The following NLGN4X variants were observed in gnomAD, a reference collection of about 807,000 sequenced individuals.
NLGN4X encodes neuroligin 4 X-linked, also known as neuroligin-4, X-linked.
Under a neutral mutation model 40.3 loss-of-function variants are expected in NLGN4X, and 3 were observed. The observed-to-expected ratio is 0.07, with a 90% CI of 0.03 to 0.19. NLGN4X has a LOEUF of 0.19. Among genes scored for constraint, NLGN4X ranks in the 10% least tolerant of loss-of-function variants. NLGN4X has a pLI of 1.00. For synonymous variants in NLGN4X, 270 were observed against 306.8 expected, an observed-to-expected ratio of 0.88 and a Z score of 1.25; for missense variants, 382 against 708.3, an observed-to-expected ratio of 0.54 and a Z score of 5.23.
At chrX:6,180,595 A>G (rs1009827949) in intron 1 of NLGN4X, among the ~76,000 whole-genome samples, 1 of 111,787 alleles carries the variant, frequency 8.9e-6, no homozygotes, top group Admixed American at 9.6e-5. Flanking sequence ...TCTTAAAGCA[A>G]TGCAAGAACG....
At chrX:6,202,724 G>A (rs1029053540) in intron 1 of NLGN4X, among the ~76,000 whole-genome samples, 2 of 111,736 alleles carry the variant, frequency 1.8e-5, no homozygotes, top group South Asian at 7.6e-4. Context: ...CTGAAAAACA[G>A]TAATCTCTCA....
intron 2 of NLGN4X, among the ~76,000 whole-genome samples, chrX:6,132,994 G>A (rs2039714777): frequency 9.0e-6 from 1 of 111,710 alleles, no homozygotes; most frequent in South Asian, 3.7e-4. Context: ...TGTTTGTATG[G>A]AGTCTGGGGG....
intron 2 of NLGN4X, among the ~76,000 whole-genome samples, chrX:6,134,453 C>G (rs972313457): frequency 8.1e-5 from 9 of 111,561 alleles, no homozygotes. Context: ...CCCAGATGTT[C>G]TCACATCTCC....
intron 1 of NLGN4X, among the ~76,000 whole-genome samples, chrX:6,160,110 C>T (rs886694963): frequency 3.6e-5 from 4 of 110,724 alleles, no homozygotes; most frequent in Non-Finnish European, 5.7e-5. Flanking sequence ...CTGCAGTCAA[C>T]ATTAATTTAC....
intron 2 of NLGN4X, among the ~76,000 whole-genome samples, chrX:6,117,400 C>T (rs2039327419): frequency 9.0e-6 from 1 of 110,639 alleles, no homozygotes. Flanking sequence ...GCTCTACTGC[C>T]TCTCACATCA....
At chrX:6,163,450 A>G (rs747775647) in intron 1 of NLGN4X, among the ~76,000 whole-genome samples, 1 of 111,709 alleles carries the variant, frequency 9.0e-6, no homozygotes, top group East Asian at 2.8e-4. Context: ...TTCAATTGCT[A>G]CAATTAAGCC....
intron 2 of NLGN4X, among the ~76,000 whole-genome samples, chrX:6,131,168 CAAACAT>C (rs2039674222): frequency 9.1e-6 from 1 of 110,224 alleles, no homozygotes; most frequent in Non-Finnish European, 1.9e-5. Context: ...AAAGCAGAAA[CAAACAT>C]AAACTATATT....
At chrX:6,210,091 C>G (rs754787713) in intron 1 of NLGN4X, among the ~76,000 whole-genome samples, 19 of 111,713 alleles carry the variant, frequency 1.7e-4, no homozygotes, top group African/African-American at 6.2e-4. Context: ...TGGCCTCAAG[C>G]AATCCTCCCT....
Position 6,150,313 on chromosome X carries a change from T to C in NLGN4X, c.472+682A>G, listed in dbSNP as rs372553932. 9.1e-4 allele frequency among the ~76,000 whole-genome samples: 102 copies of C among 112,510 alleles called. 3 individuals carry two copies. The East Asian group carries it at 0.023, about 26-fold the overall frequency. The stretch of plus-strand genomic sequence containing the variant: ...TAAACGTTATTGTGTCTACAGACTT[T>C]CATTGTTGTTTTATATAAAAAAGGA... On this transcript the variant is annotated intron_variant, in intron 2 of 5. Coordinates refer to ENST00000381095, the MANE Select transcript of NLGN4X (RefSeq NM_181332.3).
At chrX:6,216,882 ACTC>A (rs769277136) in intron 1 of NLGN4X, among the ~76,000 whole-genome samples, 1 of 111,378 alleles carries the variant, frequency 9.0e-6, no homozygotes, top group African/African-American at 3.3e-5. Flanking sequence ...CTCCTGATAT[ACTC>A]CTCAAGTGAG....
intron 2 of NLGN4X, among the ~76,000 whole-genome samples, chrX:6,141,276 G>C (rs2039942975): frequency 9.0e-6 from 1 of 111,474 alleles, no homozygotes; most frequent in African/African-American, 3.3e-5. Context: ...AGTAAGATCG[G>C]ATCTACTCTC....
At chrX:5,903,995 G>T in intron 4 of NLGN4X, 129 bp from the exon 5 acceptor site, 1 of 812,616 alleles carries the variant, frequency 1.2e-6, no homozygotes, top group Non-Finnish European at 1.8e-6. Flanking sequence ...ATTCAGCTCT[G>T]TCAGGGGCCC....
intron 3 of NLGN4X, among the ~76,000 whole-genome samples, chrX:5,957,049 A>ACTCT (rs1215822578): frequency 9.0e-6 from 1 of 110,952 alleles, no homozygotes; most frequent in Non-Finnish European, 1.9e-5. Flanking sequence ...AGACAGAGAG[A>ACTCT]GACAAAGAAG....
At chrX:5,985,371 C>G (rs1175861071) in intron 3 of NLGN4X, among the ~76,000 whole-genome samples, 1 of 111,681 alleles carries the variant, frequency 9.0e-6, no homozygotes, top group Non-Finnish European at 1.9e-5. Context: ...ACTCTCCTGT[C>G]AACTCTTATC....
intron 2 of NLGN4X, among the ~76,000 whole-genome samples, chrX:6,031,619 G>C (rs2036859209): frequency 1.8e-5 from 2 of 110,872 alleles, no homozygotes; most frequent in Admixed American, 9.6e-5. Context: ...CTCACTTTTG[G>C]GCTTTAAATT....
intron 3 of NLGN4X, among the ~76,000 whole-genome samples, chrX:5,925,895 T>TATATATAC (rs2033281967): frequency 5.9e-5 from 1 of 16,974 alleles, no homozygotes; most frequent in Admixed American, 5.9e-4. Flanking sequence ...TATATATATA[T>TATATATAC]ATATATATAT....
intron 2 of NLGN4X, among the ~76,000 whole-genome samples, chrX:6,095,102 C>CGT (rs56285921): frequency 3.8e-4 from 34 of 88,356 alleles, no homozygotes; most frequent in Non-Finnish European, 5.4e-4. Context: ...TACGTGCGTG[C>CGT]GTGTGTGTGT....
At chrX:6,133,327 A>T (rs2039727116) in intron 2 of NLGN4X, among the ~76,000 whole-genome samples, 2 of 111,392 alleles carry the variant, frequency 1.8e-5, no homozygotes, top group African/African-American at 6.5e-5. Context: ...TGTTTTGTTT[A>T]CATTGATTTG....
chrX:6,196,276 T>C (rs1021383800), intron 1 of NLGN4X, among the ~76,000 whole-genome samples: 5 of 111,317 alleles, frequency 4.5e-5, no homozygotes, highest in Non-Finnish European at 9.4e-5. Context: ...ACTGAAAGTG[T>C]TTCGGTGGCT....
Sources: allele counts gnomAD v4.1 joint callset (sites outside exome capture counted in the v4.1 genomes callset), GRCh38; gene constraint gnomAD v4.1.1; transcripts MANE v1.5; gene names NCBI Gene and HGNC (gene_info 2026-07-23, HGNC 2026-07-21).